Variants in GYPC observed in about 807,000 individuals in gnomAD.
GYPC encodes the protein glycophorin-C.
A neutral mutation model predicts 12.6 loss-of-function variants in GYPC; 14 were observed. That is an observed-to-expected ratio of 1.11 (90% CI 0.74 to 1.74). The LOEUF is 1.74. Among genes scored for constraint, GYPC ranks in the 40% most tolerant of loss-of-function variants. The pLI, the probability that GYPC is intolerant of heterozygous loss-of-function variation, is 0.00. For missense variants in GYPC, 225 were observed against 172.1 expected, an observed-to-expected ratio of 1.31 and a Z score of -1.72; for synonymous variants, 78 against 62.1, an observed-to-expected ratio of 1.26 and a Z score of -1.20.
intron 2 of GYPC, among the ~76,000 whole-genome samples, chr2:126,690,788 C>T (rs1449612853): frequency 1.3e-5 from 2 of 152,142 alleles, no homozygotes; most frequent in Admixed American, 1.3e-4. Flanking sequence ...CTTTGCCTTG[C>T]TTTGAACCCT....
intron 3 of GYPC, 79 bp from the exon 4 acceptor site, chr2:126,695,867 C>A (rs1202901284): frequency 1.9e-6 from 2 of 1,077,824 alleles, no homozygotes; most frequent in East Asian, 2.4e-5. Context: ...CCTCACACAA[C>A]CCCTGTGGGT....
At chr2:126,669,257 G>A (rs148567426) in intron 1 of GYPC, among the ~76,000 whole-genome samples, 2 of 152,282 alleles carry the variant, frequency 1.3e-5, no homozygotes, top group East Asian at 1.9e-4. Flanking sequence ...AGCTCACTAC[G>A]TGCGCAGTGT....
intron 1 of GYPC, among the ~76,000 whole-genome samples, chr2:126,671,400 A>G (rs1434603017): frequency 6.6e-6 from 1 of 152,248 alleles, no homozygotes; most frequent in Admixed American, 6.5e-5. Flanking sequence ...ACCCAAGTTC[A>G]GAAAACAGTG....
chr2:126,687,248 A>G (rs912933086), intron 1 of GYPC, among the ~76,000 whole-genome samples: 1 of 152,194 alleles, frequency 6.6e-6, no homozygotes, highest in Non-Finnish European at 1.5e-5. Flanking sequence ...ATTTGCCCTT[A>G]AAGGACTAAT....
chr2:126,674,441 T>G (rs898530807), intron 1 of GYPC, among the ~76,000 whole-genome samples: 1 of 106,518 alleles, frequency 9.4e-6, no homozygotes, highest in African/African-American at 3.7e-5. Context: ...AGGAAGGACC[T>G]GATGGGAAAC....
rs546471132 is a variant in GYPC, at chr2:126,691,756, G to A, written c.106+1445G>A. Among the ~76,000 whole-genome samples, 167 of 152,280 alleles carry A rather than the reference G, an allele frequency of 1.1e-3. 1 individual carries two copies. Among genetic ancestry groups the A allele is most frequent in the African/African-American group, 3.9e-3 (161 of 41,564 alleles). On this transcript the variant is annotated intron_variant, in intron 2 of 3. Transcript: ENST00000259254. ...TGTTGAGACCTGCACCTGGCACCTA[G>A]TAAGCGATTGTTAGTTGTTTTAAAG...
At chr2:126,676,252 T>C (rs1019339410) in intron 1 of GYPC, among the ~76,000 whole-genome samples, 3 of 152,218 alleles carry the variant, frequency 2.0e-5, no homozygotes, top group Non-Finnish European at 2.9e-5. Flanking sequence ...GTGCTTACCC[T>C]TCTTCTCCTA....
chr2:126,694,247 G>A (rs1438588948), intron 3 of GYPC, among the ~76,000 whole-genome samples: 2 of 152,118 alleles, frequency 1.3e-5, no homozygotes, highest in African/African-American at 4.8e-5. Flanking sequence ...GTGGAGGTGA[G>A]ATGAGGGTAG....
intron 3 of GYPC, 87 bp downstream of exon 3, chr2:126,694,034 G>C (rs948222807): frequency 1.1e-6 from 1 of 921,890 alleles, no homozygotes; most frequent in Admixed American, 1.8e-5. Flanking sequence ...TAAGGACTTG[G>C]GCAGTGGTGG....
chr2:126,661,320 G>T (rs906322068), intron 1 of GYPC, among the ~76,000 whole-genome samples: 2 of 152,158 alleles, frequency 1.3e-5, no homozygotes, highest in African/African-American at 4.8e-5. Flanking sequence ...AACCTGCCTG[G>T]CTCTGTGGTC....
chr2:126,686,124 T>C, intron 1 of GYPC: 1 of 985,312 alleles, frequency 1.0e-6, no homozygotes, highest in Non-Finnish European at 1.2e-6. Context: ...AAGAGAACTT[T>C]TTAGCACAGT....
At chr2:126,694,959 G>C (rs1369692388) in intron 3 of GYPC, among the ~76,000 whole-genome samples, 1 of 152,086 alleles carries the variant, frequency 6.6e-6, no homozygotes, top group Admixed American at 6.5e-5. Context: ...AGTCCCAGCA[G>C]AAGTGAGGGG....
Position 126,695,126 on chromosome 2 carries a change from A to G in GYPC, c.191-820A>G, listed in dbSNP as rs28387225. 3.3e-4 allele frequency among the ~76,000 whole-genome samples: 50 copies of G among 152,240 alleles called. No individual in the cohort carries two copies. The Middle Eastern group carries it at 0.014, about 41-fold the overall frequency. ...CAGGGTAGGGTGAGGAGCAGCCATC[A>G]GGCCATTGAAAAACACAAACCACAC... On this transcript the variant is annotated intron_variant, in intron 3 of 3. Coordinates refer to ENST00000259254, the MANE Select transcript of GYPC (RefSeq NM_002101.5).
At chr2:126,694,289 C>T (rs1360785547) in intron 3 of GYPC, among the ~76,000 whole-genome samples, 1 of 152,130 alleles carries the variant, frequency 6.6e-6, no homozygotes, top group Non-Finnish European at 1.5e-5. Flanking sequence ...TCTCCACCAT[C>T]TCCCTCATCC....
chr2:126,682,315 C>A (rs1683170499), intron 1 of GYPC, among the ~76,000 whole-genome samples: 2 of 152,208 alleles, frequency 1.3e-5, no homozygotes, highest in South Asian at 2.1e-4. Flanking sequence ...AATTTCCCAA[C>A]AACAAGGCCA....
At chr2:126,683,451 C>T (rs887227587) in intron 1 of GYPC, among the ~76,000 whole-genome samples, 10 of 152,352 alleles carry the variant, frequency 6.6e-5, no homozygotes, top group South Asian at 6.2e-4. Context: ...TCCCCAGATT[C>T]TTCCTCCTTC....
intron 1 of GYPC, among the ~76,000 whole-genome samples, chr2:126,660,540 G>A (rs569907653): frequency 2.6e-4 from 40 of 152,298 alleles, no homozygotes; most frequent in Middle Eastern, 3.4e-3. Flanking sequence ...AGCCCTGACA[G>A]ATTCCTGAGT....
At chr2:126,679,670 G>A (rs1558886044) in intron 1 of GYPC, 1 of 152,170 alleles carries the variant, frequency 6.6e-6, no homozygotes, top group Non-Finnish European at 1.5e-5. Context: ...CTGAGGTCGG[G>A]TGTTTGAGAC....
chr2:126,689,684 T>C (rs1683397957), intron 1 of GYPC, among the ~76,000 whole-genome samples: 1 of 152,138 alleles, frequency 6.6e-6, no homozygotes, highest in African/African-American at 2.4e-5. Context: ...CCTTGTGGTC[T>C]CTTTGCGAAT....
Sources: allele counts gnomAD v4.1 joint callset (sites outside exome capture counted in the v4.1 genomes callset), GRCh38; gene constraint gnomAD v4.1.1; transcripts MANE v1.5; gene names NCBI Gene and HGNC (gene_info 2026-07-23, HGNC 2026-07-21).